The following PRSS3 variants were observed in gnomAD, a reference collection of about 807,000 sequenced individuals.
PRSS3 encodes the protein serine protease 3.
A neutral mutation model predicts 20.8 loss-of-function variants in PRSS3; 14 were observed. That is an observed-to-expected ratio of 0.67 (90% CI 0.44 to 1.05). The LOEUF is 1.05. Ranked by LOEUF, PRSS3 falls within the 50% of genes least tolerant of loss-of-function variation. The probability of loss-of-function intolerance (pLI) is 0.00; values close to 1 mark genes in which losing one functional copy is unlikely to be tolerated. For synonymous variants in PRSS3, 91 were observed against 117.6 expected (o/e 0.77, Z 1.46); for missense variants, 237 against 306.4 (o/e 0.77, Z 1.69).
chr9:33,770,438 A>G (rs1006861487), intron 1 of PRSS3, among the ~76,000 whole-genome samples: 1 of 152,128 alleles, frequency 6.6e-6, no homozygotes, highest in African/African-American at 2.4e-5. Context: ...GACTTCTGGC[A>G]CTGTTGGGAT....
intron 1 of PRSS3, among the ~76,000 whole-genome samples, chr9:33,773,961 G>T (rs1288726458): frequency 6.6e-6 from 1 of 152,034 alleles, no homozygotes; most frequent in Non-Finnish European, 1.5e-5. Context: ...TCTGATATTT[G>T]TTTTCCTATT....
intron 1 of PRSS3, among the ~76,000 whole-genome samples, chr9:33,760,383 G>A (rs2118788508): frequency 1.3e-5 from 2 of 152,146 alleles, no homozygotes; most frequent in Middle Eastern, 6.8e-3. Flanking sequence ...TATTAATGAG[G>A]AGCAAAGACA....
chr9:33,773,311 C>T (rs1198792028), intron 1 of PRSS3, among the ~76,000 whole-genome samples: 1 of 152,186 alleles, frequency 6.6e-6, no homozygotes, highest in Non-Finnish European at 1.5e-5. Context: ...CCCAAACCTC[C>T]AGTCTTCTTG....
chr9:33,755,118 G>A (rs1199817269), intron 1 of PRSS3, among the ~76,000 whole-genome samples: 6 of 152,176 alleles, frequency 3.9e-5, no homozygotes, highest in African/African-American at 7.2e-5. Flanking sequence ...CATTCCGGAC[G>A]GGCACGCCAG....
intron 1 of PRSS3, among the ~76,000 whole-genome samples, chr9:33,770,338 G>A (rs1823628282): frequency 6.6e-6 from 1 of 152,126 alleles, no homozygotes; most frequent in African/African-American, 2.4e-5. Flanking sequence ...TTTGCCTCAG[G>A]ATGAACCATA....
chr9:33,787,762 G>A (rs996934165), intron 1 of PRSS3, among the ~76,000 whole-genome samples: 1 of 152,182 alleles, frequency 6.6e-6, no homozygotes, highest in African/African-American at 2.4e-5. Flanking sequence ...AAGGCAGTGT[G>A]GAACAGGTTC....
chr9:33,771,108 C>T (rs558180021), intron 1 of PRSS3, among the ~76,000 whole-genome samples: 2 of 152,256 alleles, frequency 1.3e-5, no homozygotes, highest in Non-Finnish European at 2.9e-5. Flanking sequence ...GCTGTGAGAT[C>T]CTGCTCTCAC....
chr9:33,794,823 T>C (rs570579867), upstream of PRSS3: 126 of 1,550,740 alleles, frequency 8.1e-5, no homozygotes, highest in Non-Finnish European at 1.0e-4. Flanking sequence ...GGCTTCACAT[T>C]GAAGAAGGGG....
chr9:33,775,435 C>T (rs1328949373), intron 1 of PRSS3, among the ~76,000 whole-genome samples: 3 of 152,180 alleles, frequency 2.0e-5, no homozygotes, highest in Non-Finnish European at 4.4e-5. Context: ...TCCACAGCTT[C>T]GCTAGCTTGA....
At chr9:33,751,063 C>T (rs943276464) in intron 1 of PRSS3, among the ~76,000 whole-genome samples, 1 of 152,144 alleles carries the variant, frequency 6.6e-6, no homozygotes, top group Non-Finnish European at 1.5e-5. Flanking sequence ...GAATATTGCT[C>T]AGTCCCCCGC....
intron 1 of PRSS3, among the ~76,000 whole-genome samples, chr9:33,767,622 C>T (rs1384658291): frequency 6.6e-6 from 1 of 151,554 alleles, no homozygotes; most frequent in African/African-American, 2.4e-5. Context: ...TCAGGAGTTC[C>T]AGACCAGCCT....
intron 1 of PRSS3, among the ~76,000 whole-genome samples, chr9:33,779,867 TAAAAAA>T (rs35501160): frequency 2.5e-4 from 8 of 31,822 alleles, no homozygotes; most frequent in African/African-American, 9.8e-4. Context: ...AGACTCTGTC[TAAAAAA>T]AAAAAAAAAA....
rs1446803490 is a variant in PRSS3 at position 33,798,564 on chromosome 9, A to G, written c.533A>G (p.Lys178Arg). Reference sequence around the variant, plus strand: ...GAGTGTAAAGCCTCCTACCCTGGAAAGATTACCAACAGCATGTTCTGTGTG... The same window carrying G: ...GAGTGTAAAGCCTCCTACCCTGGAAGGATTACCAACAGCATGTTCTGTGTG... ...QAECKASYPG[K>R]ITNSMFCVGF... The change falls in exon 4 of 5, where the codon AAG (lysine) becomes AGG (arginine). Residue 178 changes from lysine to arginine, a missense_variant. Transcript: ENST00000379405. 1 of 1,614,026 alleles carries G rather than the reference A, an allele frequency of 6.2e-7. No individual in the cohort carries two copies. The highest frequency in any genetic ancestry group is 8.5e-7 in the Non-Finnish European group (1 of 1,180,036).
At chr9:33,752,331 G>A (rs1427451359) in intron 1 of PRSS3, among the ~76,000 whole-genome samples, 2 of 152,202 alleles carry the variant, frequency 1.3e-5, no homozygotes, top group Non-Finnish European at 2.9e-5. Context: ...GCTGTTCAAA[G>A]TACAGATGTT....
chr9:33,752,839 T>C (rs1257286946), intron 1 of PRSS3, among the ~76,000 whole-genome samples: 1 of 152,234 alleles, frequency 6.6e-6, no homozygotes, highest in African/African-American at 2.4e-5. Flanking sequence ...CTTCTGTATG[T>C]GATGCAGAGT....
intron 1 of PRSS3, among the ~76,000 whole-genome samples, chr9:33,778,892 A>G (rs1824058349): frequency 6.6e-6 from 1 of 152,206 alleles, no homozygotes. Flanking sequence ...CAAGAGCCAC[A>G]CAAGCTGGGT....
chr9:33,774,893 G>A (rs1823856430), intron 1 of PRSS3, among the ~76,000 whole-genome samples: 1 of 152,084 alleles, frequency 6.6e-6, no homozygotes, highest in African/African-American at 2.4e-5. Flanking sequence ...GGCTGAGGCA[G>A]GAGAATCGCT....
intron 1 of PRSS3, among the ~76,000 whole-genome samples, chr9:33,788,516 C>T (rs1377727056): frequency 6.6e-6 from 1 of 152,240 alleles, no homozygotes; most frequent in Non-Finnish European, 1.5e-5. Flanking sequence ...ACATCTGAGT[C>T]TCACGGTACC....
chr9:33,767,752 G>T (rs57282670), intron 1 of PRSS3, among the ~76,000 whole-genome samples: 38,849 of 151,992 alleles, frequency 0.26, 5,159 homozygotes, highest in Non-Finnish European at 0.28. Context: ...TTGAACCCAG[G>T]AGGCAGAGGT....
Sources: gnomAD v4.1 joint callset for allele counts (sites outside exome capture counted in the v4.1 genomes callset) on GRCh38, gnomAD v4.1.1 for gene constraint, MANE v1.5 for transcripts, NCBI Gene and HGNC (gene_info 2026-07-23, HGNC 2026-07-21) for gene names.